PRKCH: variants seen among roughly 807,000 people sequenced by gnomAD.
PRKCH encodes the protein protein kinase C eta type.
A neutral mutation model predicts 82.5 loss-of-function variants in PRKCH; 28 were observed. That is an observed-to-expected ratio of 0.34 (90% CI 0.25 to 0.47). The LOEUF is 0.47. PRKCH is among the 20% of genes least tolerant of loss of function. PRKCH has a pLI of 1.00. For missense variants in PRKCH, 705 were observed against 881.8 expected, an observed-to-expected ratio of 0.80 and a Z score of 2.54; for synonymous variants, 322 against 327.4, an observed-to-expected ratio of 0.98 and a Z score of 0.18.
chr14:61,414,478 G>A (rs1882449777), intron 2 of PRKCH, among the ~76,000 whole-genome samples: 1 of 151,946 alleles, frequency 6.6e-6, no homozygotes, highest in South Asian at 2.1e-4. Context: ...TCACCAGATT[G>A]GTCAGGCTGG....
intron 1 of PRKCH, chr14:61,299,862 G>A (rs12889339): frequency 6.6e-6 from 1 of 152,154 alleles, no homozygotes; most frequent in Non-Finnish European, 1.5e-5. Context: ...TTAACAAACT[G>A]TATTGTTATT....
intron 2 of PRKCH, among the ~76,000 whole-genome samples, chr14:61,420,725 T>G (rs562207402): frequency 6.6e-6 from 1 of 152,356 alleles, no homozygotes; most frequent in African/African-American, 2.4e-5. Context: ...ACAATTCATT[T>G]GATCTATCTG....
chr14:61,385,409 C>A (rs2046572579), intron 1 of PRKCH, among the ~76,000 whole-genome samples: 1 of 152,136 alleles, frequency 6.6e-6, no homozygotes, highest in African/African-American at 2.4e-5. Context: ...AGGTTTTGAG[C>A]CTAACCACTG....
At chr14:61,326,736 A>C (rs1271871306) in intron 1 of PRKCH, among the ~76,000 whole-genome samples, 1 of 152,222 alleles carries the variant, frequency 6.6e-6, no homozygotes, top group Non-Finnish European at 1.5e-5. Context: ...AGTGCAGAAA[A>C]TATTTATGAG....
chr14:61,269,100 C>T (rs1033944388), intron 1 of PRKCH, among the ~76,000 whole-genome samples: 12 of 152,188 alleles, frequency 7.9e-5, no homozygotes, highest in South Asian at 4.1e-4. Context: ...AAGTAAATGA[C>T]GTGTACTTTT....
chr14:61,273,270 A>G (rs2045174163), intron 1 of PRKCH, among the ~76,000 whole-genome samples: 1 of 152,310 alleles, frequency 6.6e-6, no homozygotes, highest in African/African-American at 2.4e-5. Flanking sequence ...TAAAACTACT[A>G]TTATGTAGAT....
At chr14:61,347,623 C>A (rs2046013317) in intron 1 of PRKCH, among the ~76,000 whole-genome samples, 1 of 152,182 alleles carries the variant, frequency 6.6e-6, no homozygotes, top group Non-Finnish European at 1.5e-5. Context: ...CTGTGTGAGA[C>A]AAGACACTTA....
intron 2 of PRKCH, among the ~76,000 whole-genome samples, chr14:61,431,355 C>T (rs1054531295): frequency 3.9e-5 from 6 of 152,220 alleles, no homozygotes; most frequent in Non-Finnish European, 8.8e-5. Context: ...AGTCAAGCGT[C>T]GGACAGGGTC....
chr14:61,361,595 T>A (rs1333145314), intron 1 of PRKCH, among the ~76,000 whole-genome samples: 1 of 152,176 alleles, frequency 6.6e-6, no homozygotes, highest in Non-Finnish European at 1.5e-5. Flanking sequence ...GAAGAGGCAG[T>A]ATAGGTAGAT....
At chr14:61,391,539 C>G (rs951834700) in intron 2 of PRKCH, among the ~76,000 whole-genome samples, 3 of 152,122 alleles carry the variant, frequency 2.0e-5, no homozygotes, top group Non-Finnish European at 4.4e-5. Flanking sequence ...TTGTTTTTAG[C>G]CAGTGTCATC....
chr14:61,249,522 C>T (rs373120975), intron 1 of PRKCH, among the ~76,000 whole-genome samples: 1 of 121,260 alleles, frequency 8.2e-6, no homozygotes, highest in African/African-American at 3.4e-5. Context: ...CGAAGCTTTC[C>T]AAAAAAAAAA....
chr14:61,188,697 T>TG, intron 1 of PRKCH, among the ~76,000 whole-genome samples: 2 of 74,762 alleles, frequency 2.7e-5, no homozygotes, highest in Non-Finnish European at 2.9e-5. Context: ...CCCCCAGACG[T>TG]TGCTGTAGTG....
chr14:61,470,830 C>T (rs1209976384), intron 9 of PRKCH, among the ~76,000 whole-genome samples: 2 of 151,968 alleles, frequency 1.3e-5, no homozygotes, highest in Non-Finnish European at 2.9e-5. Context: ...AGAGGAGATC[C>T]CTGCTAGCCA....
At chr14:61,205,591 C>G (rs143591463) in intron 1 of PRKCH, among the ~76,000 whole-genome samples, 3 of 152,156 alleles carry the variant, frequency 2.0e-5, no homozygotes, top group African/African-American at 7.2e-5. Context: ...CACTTCCTGC[C>G]GTGCTGACAG....
intron 10 of PRKCH, among the ~76,000 whole-genome samples, chr14:61,487,804 G>T (rs1886288872): frequency 6.9e-6 from 1 of 144,428 alleles, no homozygotes; most frequent in Non-Finnish European, 1.5e-5. Context: ...GCCAGCCGGG[G>T]CAACATAAGG....
chr14:61,250,026 G>A (rs1442998741), intron 1 of PRKCH, among the ~76,000 whole-genome samples: 9 of 150,740 alleles, frequency 6.0e-5, no homozygotes, highest in Admixed American at 1.3e-4. Flanking sequence ...TTGGGAGGCC[G>A]AGATGGGTGG....
rs59149393 is a variant in PRKCH, at chr14:61,473,011, C to T, written c.1279-12491C>T. Among the ~76,000 whole-genome samples the T allele has an allele frequency of 0.018, 2,778 of 152,220 alleles. 190 individuals are homozygous for T. The East Asian group carries it at 0.25, about 14-fold the overall frequency. On this transcript the variant is annotated intron_variant, in intron 9 of 13. Coordinates refer to ENST00000332981, the MANE Select transcript of PRKCH (RefSeq NM_006255.5). ...GGAGAGAAGAAAGTCATGATTGATC[C>T]TCGTGGAGGTTGGAAGGACTTCCCA...
rs1594878681 is a variant in PRKCH at position 61,259,538 on chromosome 14, A to G, written c.-19+71870A>G. On this transcript the variant is annotated intron_variant, in intron 1 of 3. Transcript: ENST00000555185. ...GAAATTCAGGGGCTCAGCTCCCATC[A>G]AAGGAGATACCCATTTAGTCTGCTG... Among the ~76,000 whole-genome samples the G allele has an allele frequency of 2.0e-5, 3 of 152,198 alleles. No individual in the cohort carries two copies. The South Asian group carries it at 6.2e-4, about 32-fold the overall frequency.
intron 1 of PRKCH, among the ~76,000 whole-genome samples, chr14:61,285,816 T>C (rs1416028610): frequency 6.6e-6 from 1 of 152,184 alleles, no homozygotes; most frequent in Admixed American, 6.5e-5. Context: ...TCAACCATGC[T>C]ACACTGTAAG....
Sources: allele counts gnomAD v4.1 joint callset (sites outside exome capture counted in the v4.1 genomes callset), GRCh38; gene constraint gnomAD v4.1.1; transcripts MANE v1.5; gene names NCBI Gene and HGNC (gene_info 2026-07-23, HGNC 2026-07-21).